The following CARMIL3 variants were observed in gnomAD, a reference collection of about 807,000 sequenced individuals.
The protein encoded by CARMIL3 is capping protein, Arp2/3 and myosin-I linker protein 3.
Under a neutral mutation model 180.8 loss-of-function variants are expected in CARMIL3, and 88 were observed. The observed-to-expected ratio is 0.49, with a 90% CI of 0.41 to 0.58. The LOEUF (loss-of-function observed/expected upper bound fraction) is 0.58. CARMIL3 is among the 20% of genes least tolerant of loss of function. CARMIL3 has a pLI of 0.00. For missense variants in CARMIL3, 1,548 were observed against 1,787.0 expected (o/e 0.87, Z 2.41); for synonymous variants, 696 against 714.5 (o/e 0.97, Z 0.41).
rs1418093854 is a variant in CARMIL3 at position 24,059,582 on chromosome 14, T to C, written c.1800-82T>C. 6 of 1,558,338 alleles carry C rather than the reference T, an allele frequency of 3.9e-6. No individual in the cohort carries two copies. Among genetic ancestry groups the C allele is most frequent in the East Asian group, 2.3e-5 (1 of 43,228 alleles). On this transcript the variant is annotated intron_variant, in intron 21 of 39. Coordinates refer to ENST00000342740, the MANE Select transcript of CARMIL3 (RefSeq NM_138360.4). The surrounding 1 kb of genome is among the most constrained non-coding windows in gnomAD (Gnocchi z 6.3). ...CAGAACCATCTCTGAGTCAGCCTTA[T>C]TGCCCCAAGAGGTTTGTGTCCCTGG...
intron 38 of CARMIL3, 51 bp downstream of exon 38, chr14:24,069,017 T>G (rs534163960): frequency 6.4e-7 from 1 of 1,554,940 alleles, no homozygotes; most frequent in East Asian, 2.3e-5. Flanking sequence ...AGGACTTTGC[T>G]GTCCACATCA....
rs1033366062 is a variant in CARMIL3 at position 24,063,163 on chromosome 14, G to A, written c.2750G>A (p.Arg917Gln). ...AAGCAGAAACGCTGCCGCAAGATTC[G>A]GCCGGTGTCTGCCTTCATCAGTGAG... is the stretch of plus-strand genomic sequence containing the variant. Reference protein sequence around the residue: ...IKKQKRCRKIRPVSAFISGSP... With the variant: ...IKKQKRCRKIQPVSAFISGSP... Residue 917 changes from arginine (R) to glutamine (Q), a missense_variant, in exon 30 of 40, where the codon CGG (arginine) becomes CAG (glutamine). This residue lies in a region of CARMIL3 where 668 missense variants were observed against 687.8 expected (regional missense o/e 0.97). Coordinates refer to ENST00000342740, the MANE Select transcript of CARMIL3 (RefSeq NM_138360.4). 17 of 1,613,258 alleles carry A rather than the reference G, an allele frequency of 1.1e-5. No homozygotes were observed. In the East Asian group the frequency reaches 1.3e-4, roughly 13 times the overall value.
At position 24,066,571 on chromosome 14, in the gene CARMIL3, T is replaced by C; in HGVS notation, c.3597T>C (p.Pro1199=). The C allele has an allele frequency of 6.2e-7, 1 of 1,614,158 alleles. No homozygotes were observed. Among genetic ancestry groups the C allele is most frequent in the Non-Finnish European group, 8.5e-7 (1 of 1,179,978 alleles). Residue 1199 remains proline, a synonymous_variant, in exon 36 of 40, where the codon CCT becomes CCC. Coordinates refer to ENST00000342740, the MANE Select transcript of CARMIL3 (RefSeq NM_138360.4). The stretch of plus-strand genomic sequence containing the variant: ...CATCCCCTCTCTCTACTCCAGGGCC[T>C]GGATCCTGGAAGCCCCCACCACCGC... ...QKRRSSDDAG[P]GSWKPPPPPQ...
rs1459538551 is a variant in CARMIL3 at position 24,053,782 on chromosome 14, G to C, written c.114G>C (p.Lys38Asn). The C allele has an allele frequency of 6.2e-7, 1 of 1,613,488 alleles. No individual in the cohort carries two copies. The highest frequency in any genetic ancestry group is 2.2e-5 in the East Asian group (1 of 44,874). ...ATGTGAAGTTGGAGACAAAGCCCAA[G>C]AAGTTTGAGGACCGAGTGCTGGTGA... ...QHHVKLETKP[K>N]KFEDRVLALT... The change falls in exon 2 of 40, where the codon AAG becomes AAC. Residue 38 changes from lysine to asparagine, a missense_variant. Coordinates refer to ENST00000342740, the MANE Select transcript of CARMIL3 (RefSeq NM_138360.4).
intron 8 of CARMIL3, 22 bp downstream of exon 8, chr14:24,055,332 T>C (rs1471645991): frequency 6.2e-7 from 1 of 1,613,394 alleles, no homozygotes; most frequent in Non-Finnish European, 8.5e-7. Context: ...GGGCAGAGAC[T>C]CCACCCTCAA....
At position 24,063,074 on chromosome 14, in the gene CARMIL3, C is replaced by G. The variant is rs1170470420; in HGVS notation, c.2707-46C>G. On this transcript the variant is annotated intron_variant, in intron 29 of 39. Transcript: ENST00000342740. ...ATAAGGTTTCATGAGGAATGGATGG[C>G]TCTGGGTGAGGTGCCTGGCCCTGCC... is the stretch of plus-strand genomic sequence containing the variant. 1.9e-6 allele frequency: 3 copies of G among 1,602,110 alleles called. No homozygotes were observed. In the African/African-American group the frequency reaches 4.0e-5, roughly 21 times the overall value.
At chr14:24,068,996 A>G (rs2070344) in intron 38 of CARMIL3, 30 bp downstream of exon 38, 95,918 of 1,540,516 alleles carry the variant, frequency 0.062, 9,129 homozygotes, top group East Asian at 0.41. Flanking sequence ...TGGGGGGCTC[A>G]GGGCACCTCT....
rs2035725737 is a variant in CARMIL3 at position 24,060,869 on chromosome 14, C to T, written c.2191-58C>T. 7.1e-6 allele frequency: 11 copies of T among 1,540,992 alleles called. No homozygotes were observed. The South Asian group carries it at 1.3e-4, about 18-fold the overall frequency. On this transcript the variant is annotated intron_variant, in intron 25 of 39. Coordinates refer to ENST00000342740, the MANE Select transcript of CARMIL3 (RefSeq NM_138360.4). ...CATCTGCCTTCCTAGCCCAGGGACC[C>T]CAGAGACCTAGCAAGTCCTGGTTCT... is the stretch of plus-strand genomic sequence containing the variant.
At position 24,058,207 on chromosome 14, in the gene CARMIL3, G is replaced by A; in HGVS notation, c.1375G>A (p.Asp459Asn). ...LNSHLSDLHL[D>N]LSSCELRSAG... The stretch of plus-strand genomic sequence containing the variant: ...CAGTCACCTCAGTGACCTGCACCTG[G>A]ATCTCAGCAGCTGCGAGGTGAGCCC... Residue 459 changes from aspartate (D) to asparagine (N), a missense_variant, in exon 17 of 40, where the codon GAT becomes AAT. Asp to Asn is a conservative substitution (Grantham distance 23, BLOSUM62 1). Around this residue, in one of 4 missense-constraint regions of CARMIL3, gnomAD observed 578 missense variants for 666.5 expected, o/e 0.87. Coordinates refer to ENST00000342740, the MANE Select transcript of CARMIL3 (RefSeq NM_138360.4). The surrounding 1 kb of genome is among the most constrained non-coding windows in gnomAD (Gnocchi z 6.4). The A allele has an allele frequency of 6.2e-7, 1 of 1,613,690 alleles. No individual in the cohort carries two copies. The highest frequency in any genetic ancestry group is 8.5e-7 in the Non-Finnish European group (1 of 1,179,972).
Position 24,052,153 on chromosome 14 carries a change from C to A in CARMIL3, c.-1C>A. ...CAGCAGCCTCAGCAGCAGCGGCCGCCATGGCCAAGCCCAGCGTGGAGCTCA... is the reference window on the plus strand; with the variant it reads ...CAGCAGCCTCAGCAGCAGCGGCCGCAATGGCCAAGCCCAGCGTGGAGCTCA... On this transcript the variant is annotated 5_prime_UTR_variant, in exon 1 of 40. Coordinates refer to ENST00000342740, the MANE Select transcript of CARMIL3 (RefSeq NM_138360.4). 2 of 1,584,860 alleles carry A rather than the reference C, an allele frequency of 1.3e-6. No homozygotes were observed. The highest frequency in any genetic ancestry group is 1.7e-6 in the Non-Finnish European group (2 of 1,170,796).
Position 24,055,623 on chromosome 14 carries a change from G to A in CARMIL3, c.681+5G>A. 1 of 1,614,158 alleles carries A rather than the reference G, an allele frequency of 6.2e-7. No individual in the cohort carries two copies. The highest frequency in any genetic ancestry group is 8.5e-7 in the Non-Finnish European group (1 of 1,180,004). ...TACTGCAAGGACTTGCGGCTGGTAG[G>A]AACTGGGAGGGGCTGGTGAGGTGGG... On this transcript the variant is annotated splice_donor_5th_base_variant and intron_variant, in intron 9 of 39. Transcript: ENST00000342740.
intron 31 of CARMIL3, 68 bp downstream of exon 31, chr14:24,063,601 T>C: frequency 6.8e-7 from 1 of 1,467,276 alleles, no homozygotes; most frequent in East Asian, 2.3e-5. Flanking sequence ...AGTTTTACCT[T>C]TAGGACCCAA....
chr14:24,066,673 T>C lies in CARMIL3; in HGVS notation c.3682+17T>C. On this transcript the variant is annotated intron_variant, in intron 36 of 39. Coordinates refer to ENST00000342740, the MANE Select transcript of CARMIL3 (RefSeq NM_138360.4). Reference sequence around the variant, plus strand: ...GGCACATAGGTATGGAAAGCCTCTTTTCAGGCAGCAGTACTGAAAGCCCAG... The same window carrying C: ...GGCACATAGGTATGGAAAGCCTCTTCTCAGGCAGCAGTACTGAAAGCCCAG... 1 of 1,612,924 alleles carries C rather than the reference T, an allele frequency of 6.2e-7. No homozygotes were observed. Among genetic ancestry groups the C allele is most frequent in the Middle Eastern group, 1.6e-4 (1 of 6,062 alleles).
Position 24,061,632 on chromosome 14 carries a change from C to T in CARMIL3, c.2440C>T (p.Leu814=), listed in dbSNP as rs1312485674. ...TVPRNFIRGA[L]LEQAGQDIQN... Reference sequence around the variant, plus strand: ...GCCCCGGAACTTCATCCGAGGGGCACTGCTGGAGCAAGCAGGACAGGACAT... The same window carrying T: ...GCCCCGGAACTTCATCCGAGGGGCATTGCTGGAGCAAGCAGGACAGGACAT... The change falls in exon 27 of 40, where the codon CTG becomes TTG. Residue 814 remains leucine (L), a synonymous_variant. Coordinates refer to ENST00000342740, the MANE Select transcript of CARMIL3 (RefSeq NM_138360.4). The surrounding 1 kb of genome is among the most constrained non-coding windows in gnomAD (Gnocchi z 4.1). 1.9e-6 allele frequency: 3 copies of T among 1,613,940 alleles called. No homozygotes were observed. The highest frequency in any genetic ancestry group is 2.2e-5 in the South Asian group (2 of 91,068).
rs2035665121 is a variant in CARMIL3, at chr14:24,055,718, A to G, written c.699A>G (p.Glu233=). 1 of 1,613,972 alleles carries G rather than the reference A, an allele frequency of 6.2e-7. No homozygotes were observed. Among genetic ancestry groups the G allele is most frequent in the African/African-American group, 1.3e-5 (1 of 74,882 alleles). Residue 233 remains glutamate (E), a synonymous_variant, in exon 10 of 40, where the codon GAA becomes GAG. Transcript: ENST00000342740. ...GTCCTCAGGGCTCTGAAGTGCTAGA[A>G]CAGGTGCTACATACCCTAAGCAAGT... ...KDLRLGSEVL[E]QVLHTLSKSG...
At chr14:24,060,406 C>T in intron 24 of CARMIL3, 151 bp downstream of exon 24, 1 of 1,096,120 alleles carries the variant, frequency 9.1e-7, no homozygotes, top group Non-Finnish European at 1.3e-6. Flanking sequence ...AGAGGACATG[C>T]AGGATATGGG....
chr14:24,066,648 G>A lies in CARMIL3; in HGVS notation c.3674G>A (p.Trp1225Ter). The change falls in exon 36 of 40, where the codon TGG becomes TAG. Residue 1225 changes from tryptophan (W) to a stop codon, truncating the protein, a stop_gained. Coordinates refer to ENST00000342740, the MANE Select transcript of CARMIL3 (RefSeq NM_138360.4). LOFTEE classifies it high-confidence loss of function. The stretch of plus-strand genomic sequence containing the variant: ...GCCATGCGCAGAGCAGAGGCCACAT[G>A]GCACATAGGTATGGAAAGCCTCTTT... ...FSAMRRAEAT[W>*]HIAEESAPNH... 5.6e-6 allele frequency: 9 copies of A among 1,614,126 alleles called. No homozygotes were observed. Among genetic ancestry groups the A allele is most frequent in the Non-Finnish European group, 7.6e-6 (9 of 1,179,970 alleles).
Position 24,057,009 on chromosome 14 carries a change from C to T in CARMIL3, c.1047C>T (p.Ala349=), listed in dbSNP as rs751504115. 1.9e-6 allele frequency: 3 copies of T among 1,613,534 alleles called. No individual in the cohort carries two copies. In the South Asian group the frequency reaches 3.3e-5, roughly 18 times the overall value. Reference sequence around the variant, plus strand: ...TGAGCAAGAATCCTGGGCTCCTCGCCACGGATGAGGCCAATGTGAGTCCTC... The same window carrying T: ...TGAGCAAGAATCCTGGGCTCCTCGCTACGGATGAGGCCAATGTGAGTCCTC... ...LDLSKNPGLL[A]TDEANALYSF... The change falls in exon 13 of 40, where the codon GCC becomes GCT. Residue 349 remains alanine (A), a synonymous_variant. Transcript: ENST00000342740.
rs1206819086 is a variant in CARMIL3, at chr14:24,059,618, G to A, written c.1800-46G>A. ...GGTTTGTGTCCCTGGCCCCTAGTAG[G>A]GACCCAGGAGGAGAGGTGCCAAACT... On this transcript the variant is annotated intron_variant, in intron 21 of 39. Coordinates refer to ENST00000342740, the MANE Select transcript of CARMIL3 (RefSeq NM_138360.4). This position sits in a 1 kb window ranked among gnomAD's most constrained non-coding sequence, Gnocchi z 6.3. The A allele has an allele frequency of 8.1e-6, 13 of 1,606,710 alleles. No homozygotes were observed. The highest frequency in any genetic ancestry group is 1.1e-5 in the Non-Finnish European group (13 of 1,174,610).
Sources: allele counts gnomAD v4.1 joint callset, GRCh38; gene constraint gnomAD v4.1.1; regional missense constraint gnomAD v4.1.1; non-coding constraint Gnocchi (gnomAD v3.1); transcripts MANE v1.5; gene names NCBI Gene and HGNC (gene_info 2026-07-23, HGNC 2026-07-21).